Variants in PTPRM observed in about 807,000 individuals in gnomAD.
PTPRM encodes receptor-type tyrosine-protein phosphatase mu.
A neutral mutation model predicts 186.7 loss-of-function variants in PTPRM; 47 were observed. The observed-to-expected ratio is 0.25, with a 90% CI of 0.20 to 0.32. PTPRM has a LOEUF of 0.32. PTPRM is among the 10% of genes least tolerant of loss of function. The pLI, the probability that PTPRM is intolerant of heterozygous loss-of-function variation, is 1.00. For synonymous variants in PTPRM, 668 were observed against 674.9 expected (o/e 0.99, Z 0.16); for missense variants, 1,494 against 1,865.0 (o/e 0.80, Z 3.66).
Position 8,259,494 on chromosome 18 carries a change from C to T in PTPRM, c.2754+6080C>T, listed in dbSNP as rs1274778902. On this transcript the variant is annotated intron_variant, in intron 19 of 32. Coordinates refer to ENST00000580170, the MANE Select transcript of PTPRM (RefSeq NM_001105244.2). ...TAAACATATGAGTTGTATATCCCCC[C>T]ACCTCTTATCCTTCCCCCGTTTTCT... Among the ~76,000 whole-genome samples the T allele has an allele frequency of 6.1e-5, 9 of 148,190 alleles. No homozygotes were observed. The Admixed American group carries it at 6.1e-4, about 10-fold the overall frequency.
chr18:8,135,574 A>C lies in PTPRM; in HGVS notation c.2168-8073A>C, dbSNP rs74997164. Reference sequence around the variant, plus strand: ...CCAGCCTGAGTTTTAAACTTCCTATAATTGGAGACCCTCTGTTTTAGAATA... The same window carrying C: ...CCAGCCTGAGTTTTAAACTTCCTATCATTGGAGACCCTCTGTTTTAGAATA... On this transcript the variant is annotated intron_variant, in intron 13 of 32. Coordinates refer to ENST00000580170, the MANE Select transcript of PTPRM (RefSeq NM_001105244.2). Among the ~76,000 whole-genome samples the C allele has an allele frequency of 2.6e-4, 40 of 152,278 alleles. No individual in the cohort carries two copies. The East Asian group carries it at 7.5e-3, about 29-fold the overall frequency.
At chr18:7,789,546 T>C (rs1045066128) in intron 2 of PTPRM, among the ~76,000 whole-genome samples, 2 of 152,010 alleles carry the variant, frequency 1.3e-5, no homozygotes, top group African/African-American at 4.8e-5. Flanking sequence ...TGGCTACCCA[T>C]TATGGTGGTT....
intron 14 of PTPRM, among the ~76,000 whole-genome samples, chr18:8,173,025 T>C (rs1431342821): frequency 1.3e-5 from 2 of 152,222 alleles, no homozygotes; most frequent in Non-Finnish European, 2.9e-5. Context: ...CTGTACTCAG[T>C]TCAGGGATTA....
At chr18:7,824,494 C>T (rs1174413546) in intron 2 of PTPRM, among the ~76,000 whole-genome samples, 2 of 152,132 alleles carry the variant, frequency 1.3e-5, no homozygotes, top group South Asian at 2.1e-4. Flanking sequence ...GATCTTTTAG[C>T]ATTTTATAAA....
chr18:8,248,025 G>C, intron 16 of PTPRM, 106 bp downstream of exon 16: 1 of 1,359,154 alleles, frequency 7.4e-7, no homozygotes, highest in Non-Finnish European at 1.1e-6. Flanking sequence ...CTGTGTTTGA[G>C]ATGTTGTAAC....
At chr18:8,366,586 T>G (rs1314890019) in intron 23 of PTPRM, among the ~76,000 whole-genome samples, 2 of 152,174 alleles carry the variant, frequency 1.3e-5, no homozygotes, top group African/African-American at 2.4e-5. Context: ...ATGACCCACC[T>G]CAAAGATCTT....
At chr18:7,921,510 A>C (rs1290726348) in intron 4 of PTPRM, among the ~76,000 whole-genome samples, 2 of 151,490 alleles carry the variant, frequency 1.3e-5, no homozygotes, top group African/African-American at 4.9e-5. Flanking sequence ...CCTCCTGAGT[A>C]GCCGGGACTA....
intron 1 of PTPRM, among the ~76,000 whole-genome samples, chr18:7,700,139 G>A (rs2039930125): frequency 6.6e-6 from 1 of 152,178 alleles, no homozygotes; most frequent in South Asian, 2.1e-4. Context: ...TCCCTGTCTT[G>A]CCATGCCAAC....
intron 14 of PTPRM, among the ~76,000 whole-genome samples, chr18:8,213,597 A>C (rs1350878657): frequency 6.6e-6 from 1 of 152,174 alleles, no homozygotes; most frequent in Non-Finnish European, 1.5e-5. Context: ...GTGGAATGAG[A>C]GCCAGGATCC....
At chr18:7,676,848 GA>G (rs35798521) in intron 1 of PTPRM, among the ~76,000 whole-genome samples, 2 of 152,148 alleles carry the variant, frequency 1.3e-5, no homozygotes, top group African/African-American at 4.8e-5. Context: ...CTGTGAATAT[GA>G]AAATATTTTA....
At chr18:8,340,607 G>A (rs1286789972) in intron 22 of PTPRM, among the ~76,000 whole-genome samples, 1 of 152,172 alleles carries the variant, frequency 6.6e-6, no homozygotes, top group African/African-American at 2.4e-5. Flanking sequence ...TGTTATGAAT[G>A]GAGTTCCTTC....
intron 13 of PTPRM, among the ~76,000 whole-genome samples, chr18:8,116,430 G>A (rs896709479): frequency 6.6e-6 from 1 of 152,176 alleles, no homozygotes; most frequent in Non-Finnish European, 1.5e-5. Flanking sequence ...TTTTGGAGAC[G>A]AATTGACTCA....
chr18:8,383,099 A>C (rs1025151876), intron 29 of PTPRM, among the ~76,000 whole-genome samples: 11 of 151,996 alleles, frequency 7.2e-5, no homozygotes, highest in African/African-American at 2.7e-4. Flanking sequence ...AGAGATCGAG[A>C]CCATCCTGGC....
chr18:7,859,980 A>G (rs2047282498), intron 2 of PTPRM, among the ~76,000 whole-genome samples: 1 of 152,174 alleles, frequency 6.6e-6, no homozygotes, highest in South Asian at 2.1e-4. Flanking sequence ...GGGCTAGTAG[A>G]TTGGAGGTTT....
intron 2 of PTPRM, among the ~76,000 whole-genome samples, chr18:7,848,074 A>T (rs1305357417): frequency 3.3e-5 from 5 of 152,228 alleles, no homozygotes; most frequent in African/African-American, 4.8e-5. Flanking sequence ...AAATATGTGG[A>T]CATAGACCTG....
At chr18:7,711,973 TCA>T (rs1168813612) in intron 1 of PTPRM, among the ~76,000 whole-genome samples, 2 of 152,120 alleles carry the variant, frequency 1.3e-5, no homozygotes, top group Admixed American at 6.5e-5. Context: ...AGCACAGCAT[TCA>T]AGCTCCACTA....
intron 5 of PTPRM, among the ~76,000 whole-genome samples, chr18:7,941,524 T>C (rs1242452225): frequency 6.6e-6 from 1 of 152,278 alleles, no homozygotes; most frequent in Non-Finnish European, 1.5e-5. Context: ...TTTAATTTAT[T>C]GTTTGGCTTT....
chr18:7,758,079 T>C (rs1001999899), intron 1 of PTPRM, among the ~76,000 whole-genome samples: 2 of 152,162 alleles, frequency 1.3e-5, no homozygotes, highest in Non-Finnish European at 2.9e-5. Flanking sequence ...TCCGTAAATC[T>C]AGAACGGGAC....
chr18:7,612,380 G>T (rs2037697686), intron 1 of PTPRM, among the ~76,000 whole-genome samples: 1 of 152,036 alleles, frequency 6.6e-6, no homozygotes, highest in African/African-American at 2.4e-5. Context: ...ATTTTTCACT[G>T]CATCAGATAA....
Sources: gnomAD v4.1 joint callset for allele counts (sites outside exome capture counted in the v4.1 genomes callset) on GRCh38, gnomAD v4.1.1 for gene constraint, MANE v1.5 for transcripts, NCBI Gene and HGNC (gene_info 2026-07-23, HGNC 2026-07-21) for gene names.